The following CNTNAP2 variants were observed in gnomAD, a reference collection of about 807,000 sequenced individuals.
The protein encoded by CNTNAP2 is contactin associated protein 2.
A neutral mutation model predicts 155.2 loss-of-function variants in CNTNAP2; 98 were observed. The observed-to-expected ratio is 0.63, with a 90% CI of 0.54 to 0.75. The LOEUF (loss-of-function observed/expected upper bound fraction) is 0.75. Ranked by LOEUF, CNTNAP2 falls within the 30% of genes least tolerant of loss-of-function variation. The pLI, the probability that CNTNAP2 is intolerant of heterozygous loss-of-function variation, is 0.00. For missense variants in CNTNAP2, 1,727 were observed against 1,688.1 expected (o/e 1.02, Z -0.40); for synonymous variants, 651 against 631.2 (o/e 1.03, Z -0.47).
intron 15 of CNTNAP2, among the ~76,000 whole-genome samples, chr7:148,006,864 A>G (rs1431283969): frequency 1.3e-5 from 2 of 152,196 alleles, no homozygotes; most frequent in Non-Finnish European, 2.9e-5. Context: ...TATTCACAGT[A>G]ATTTGTATCT....
chr7:146,658,108 A>G (rs1374906198), intron 1 of CNTNAP2, among the ~76,000 whole-genome samples: 2 of 152,158 alleles, frequency 1.3e-5, no homozygotes, highest in East Asian at 1.9e-4. Context: ...GGGGTAATGA[A>G]GTTGAGAGTG....
intron 8 of CNTNAP2, among the ~76,000 whole-genome samples, chr7:147,156,096 A>T (rs1350211015): frequency 6.6e-6 from 1 of 152,272 alleles, no homozygotes; most frequent in East Asian, 1.9e-4. Flanking sequence ...CTTGTATCAT[A>T]GAGTGTAATG....
rs931907076 is a variant in CNTNAP2 at position 146,906,453 on chromosome 7, C to A, written c.402+66549C>A. On this transcript the variant is annotated intron_variant, in intron 3 of 23. Transcript: ENST00000361727. ...GTTCTCCCAGCACGCAGCTGGAGAT[C>A]TGAAAACGGGCAGACTGCCTCCTCA... 5.3e-4 allele frequency among the ~76,000 whole-genome samples: 80 copies of A among 152,106 alleles called. 1 individual carries two copies. The highest frequency in any genetic ancestry group is 5.1e-3 in the Admixed American group (78 of 15,268).
chr7:148,021,644 C>G (rs968862653), intron 15 of CNTNAP2, among the ~76,000 whole-genome samples: 5 of 152,226 alleles, frequency 3.3e-5, no homozygotes, highest in African/African-American at 9.6e-5. Flanking sequence ...GGGATCCAGT[C>G]CCCGGTGAGC....
chr7:146,322,956 T>C (rs1280125925), intron 1 of CNTNAP2, among the ~76,000 whole-genome samples: 2 of 152,000 alleles, frequency 1.3e-5, no homozygotes, highest in African/African-American at 4.8e-5. Context: ...TTACAAAATA[T>C]TATCTTTCAG....
At chr7:148,053,174 T>C (rs1349952346) in intron 15 of CNTNAP2, among the ~76,000 whole-genome samples, 1 of 152,228 alleles carries the variant, frequency 6.6e-6, no homozygotes. Context: ...GTTTTACAAT[T>C]CCACATGTAT....
intron 1 of CNTNAP2, among the ~76,000 whole-genome samples, chr7:146,643,177 G>A (rs936840973): frequency 1.3e-5 from 2 of 148,680 alleles, no homozygotes; most frequent in African/African-American, 5.0e-5. Flanking sequence ...GATCCCATTT[G>A]TCAATTTTGG....
At chr7:146,573,554 G>C (rs1052342269) in intron 1 of CNTNAP2, among the ~76,000 whole-genome samples, 1 of 152,124 alleles carries the variant, frequency 6.6e-6, no homozygotes, top group African/African-American at 2.4e-5. Flanking sequence ...CATATCAAGC[G>C]CTCTGAGAAA....
At chr7:146,881,208 C>G (rs1194971478) in intron 3 of CNTNAP2, among the ~76,000 whole-genome samples, 1 of 152,022 alleles carries the variant, frequency 6.6e-6, no homozygotes, top group Non-Finnish European at 1.5e-5. Context: ...TTTTAACCTA[C>G]AGGAAAAGCC....
At chr7:148,262,043 T>C (rs903896775) in intron 20 of CNTNAP2, among the ~76,000 whole-genome samples, 2 of 152,062 alleles carry the variant, frequency 1.3e-5, no homozygotes, top group Non-Finnish European at 2.9e-5. Context: ...AAGCAACGAG[T>C]TGATTGATAA....
chr7:148,416,671 CAACACAAT>C lies in CNTNAP2; in HGVS notation c.*1058_*1065del, dbSNP rs1181223970. ...ATAGACAGTGTCCTGTAAATGGACA[CAACACAAT>C]AAAGTCAAGTTATTATTGCTGTTAC... On this transcript the variant is annotated 3_prime_UTR_variant, in exon 24 of 24. Coordinates refer to ENST00000361727, the MANE Select transcript of CNTNAP2 (RefSeq NM_014141.6). 1 of 152,600 alleles carries C rather than the reference CAACACAAT, an allele frequency of 6.6e-6. No individual in the cohort carries two copies. Among genetic ancestry groups the C allele is most frequent in the Admixed American group, 6.5e-5 (1 of 15,278 alleles). 9.5% of individuals were successfully genotyped at this position (152,600 alleles called of 1,614,324 possible).
At chr7:147,081,198 G>A (rs1800117377) in intron 4 of CNTNAP2, 1 of 152,050 alleles carries the variant, frequency 6.6e-6, no homozygotes. Context: ...ACATTTGAAA[G>A]AATGATTGTG....
intron 13 of CNTNAP2, among the ~76,000 whole-genome samples, chr7:147,886,542 T>TCCC (rs1351411741): frequency 7.1e-6 from 1 of 141,262 alleles, no homozygotes; most frequent in African/African-American, 2.6e-5. Flanking sequence ...AAGTCGTAAG[T>TCCC]CCCATCTCTT....
At chr7:146,944,037 A>G (rs1797107260) in intron 3 of CNTNAP2, among the ~76,000 whole-genome samples, 1 of 152,224 alleles carries the variant, frequency 6.6e-6, no homozygotes, top group South Asian at 2.1e-4. Flanking sequence ...TGCAAATGGT[A>G]CCATATATGG....
intron 16 of CNTNAP2, among the ~76,000 whole-genome samples, chr7:148,132,297 C>T (rs1215052436): frequency 3.3e-5 from 5 of 151,878 alleles, no homozygotes; most frequent in African/African-American, 9.7e-5. Context: ...AAATCTTATA[C>T]GGGAGTGTGG....
chr7:147,376,632 A>G (rs972251937), intron 9 of CNTNAP2, among the ~76,000 whole-genome samples: 3 of 151,874 alleles, frequency 2.0e-5, no homozygotes, highest in African/African-American at 7.2e-5. Context: ...TGTGCTTCAG[A>G]GTGTTATTCT....
intron 11 of CNTNAP2, among the ~76,000 whole-genome samples, chr7:147,515,327 T>C (rs1799101498): frequency 7.1e-6 from 1 of 139,906 alleles, no homozygotes; most frequent in African/African-American, 2.6e-5. Context: ...TATTCTTTTT[T>C]TGTTTGTTTG....
At chr7:147,898,040 G>A (rs956726699) in intron 13 of CNTNAP2, among the ~76,000 whole-genome samples, 2 of 152,166 alleles carry the variant, frequency 1.3e-5, no homozygotes, top group Non-Finnish European at 2.9e-5. Context: ...TCTCCCTCTT[G>A]ACTGTTTACC....
At chr7:147,192,980 A>T (rs573263980) in intron 8 of CNTNAP2, among the ~76,000 whole-genome samples, 15 of 152,324 alleles carry the variant, frequency 9.8e-5, no homozygotes, top group African/African-American at 3.6e-4. Context: ...TCTACCAATT[A>T]TATCACTAGA....
Sources: gnomAD v4.1 joint callset for allele counts (sites outside exome capture counted in the v4.1 genomes callset) on GRCh38, gnomAD v4.1.1 for gene constraint, MANE v1.5 for transcripts, NCBI Gene and HGNC (gene_info 2026-07-23, HGNC 2026-07-21) for gene names.